The following SSH2 variants were observed in gnomAD, a reference collection of about 807,000 sequenced individuals.
SSH2 encodes the protein protein phosphatase Slingshot homolog 2.
In SSH2, 37 loss-of-function variants were observed where a neutral mutation model predicts 135.2. The observed-to-expected ratio is 0.27, with a 90% CI of 0.21 to 0.36. The LOEUF (loss-of-function observed/expected upper bound fraction) is 0.36. SSH2 is among the 10% of genes least tolerant of loss of function. The pLI, the probability that SSH2 is intolerant of heterozygous loss-of-function variation, is 1.00. For synonymous variants in SSH2, 628 were observed against 646.2 expected, an observed-to-expected ratio of 0.97 and a Z score of 0.43; for missense variants, 1,408 against 1,765.3, an observed-to-expected ratio of 0.80 and a Z score of 3.63.
At chr17:29,758,288 G>A (rs780104647) in intron 3 of SSH2, among the ~76,000 whole-genome samples, 5 of 152,118 alleles carry the variant, frequency 3.3e-5, no homozygotes, top group Non-Finnish European at 7.4e-5. Context: ...AGCGGTTAAG[G>A]GCAGTGGCCT....
chr17:29,646,170 T>G (rs2036361571), intron 14 of SSH2, among the ~76,000 whole-genome samples: 4 of 152,228 alleles, frequency 2.6e-5, no homozygotes, highest in Admixed American at 2.6e-4. Flanking sequence ...TTAAATCACT[T>G]AATATCTGAT....
At chr17:29,847,706 T>C (rs1019917273) in intron 2 of SSH2, among the ~76,000 whole-genome samples, 1 of 152,158 alleles carries the variant, frequency 6.6e-6, no homozygotes, top group Admixed American at 6.5e-5. Flanking sequence ...CCAGATGGGA[T>C]AAAGCAAAGA....
intron 5 of SSH2, among the ~76,000 whole-genome samples, chr17:29,691,864 C>T (rs538436445): frequency 2.4e-4 from 37 of 151,466 alleles, no homozygotes; most frequent in African/African-American, 8.5e-4. Context: ...TTCAGCCGGG[C>T]GCGGTGGCTC....
chr17:29,847,044 A>C (rs2043143868), intron 2 of SSH2, among the ~76,000 whole-genome samples: 1 of 152,230 alleles, frequency 6.6e-6, no homozygotes, highest in Admixed American at 6.5e-5. Flanking sequence ...AGTAGGATTC[A>C]TTCTATACCA....
intron 8 of SSH2, among the ~76,000 whole-genome samples, chr17:29,674,758 C>T (rs73987119): frequency 0.017 from 2,635 of 152,032 alleles, 78 homozygotes; most frequent in African/African-American, 0.06. Context: ...CACAAAATAC[C>T]GTAATGATAG....
At chr17:29,701,208 T>C (rs1189511752) in intron 4 of SSH2, among the ~76,000 whole-genome samples, 1 of 152,068 alleles carries the variant, frequency 6.6e-6, no homozygotes, top group Non-Finnish European at 1.5e-5. Context: ...CCTGACCTTG[T>C]GATCCGCCCG....
At chr17:29,815,880 G>A (rs940323523) in intron 2 of SSH2, among the ~76,000 whole-genome samples, 1 of 151,646 alleles carries the variant, frequency 6.6e-6, no homozygotes, top group South Asian at 2.1e-4. Flanking sequence ...ATAGAGTCTC[G>A]CTCTGTTGCC....
At chr17:29,728,916 A>G (rs1377769293) in intron 3 of SSH2, among the ~76,000 whole-genome samples, 1 of 152,220 alleles carries the variant, frequency 6.6e-6, no homozygotes, top group Admixed American at 6.5e-5. Context: ...TAAATACTTA[A>G]ACCTAAGACC....
intron 5 of SSH2, 123 bp from the exon 6 acceptor site, chr17:29,684,807 G>A (rs933941460): frequency 2.6e-5 from 22 of 830,736 alleles, no homozygotes; most frequent in Non-Finnish European, 3.7e-5. Flanking sequence ...GTAGTTAGGA[G>A]ACATAAATTA....
intron 2 of SSH2, among the ~76,000 whole-genome samples, chr17:29,830,330 C>T (rs1301760208): frequency 6.6e-6 from 1 of 152,134 alleles, no homozygotes; most frequent in East Asian, 1.9e-4. Flanking sequence ...CCTAACTTTT[C>T]CCTGGTTGAC....
chr17:29,897,216 T>G (rs760589621), intron 1 of SSH2, among the ~76,000 whole-genome samples: 22 of 151,806 alleles, frequency 1.4e-4, no homozygotes, highest in Admixed American at 3.9e-4. Context: ...GGAAGAAACT[T>G]CATCAACTAA....
chr17:29,875,918 C>T (rs571034122), intron 1 of SSH2, among the ~76,000 whole-genome samples: 11 of 144,828 alleles, frequency 7.6e-5, no homozygotes, highest in South Asian at 2.1e-4. Flanking sequence ...TTTGTAACTA[C>T]GAATTTGTAC....
intron 11 of SSH2, among the ~76,000 whole-genome samples, chr17:29,664,176 A>G (rs1471378945): frequency 1.3e-5 from 2 of 152,160 alleles, no homozygotes; most frequent in Non-Finnish European, 2.9e-5. Context: ...GTTCAAGGCC[A>G]GTCTGGCCGA....
At chr17:29,633,458 A>G (rs2150964162) in intron 15 of SSH2, among the ~76,000 whole-genome samples, 1 of 152,316 alleles carries the variant, frequency 6.6e-6, no homozygotes, top group Admixed American at 6.5e-5. Context: ...TTGGAGACTC[A>G]CTGCTCTCTT....
intron 3 of SSH2, among the ~76,000 whole-genome samples, chr17:29,774,063 G>T (rs1359400160): frequency 6.6e-6 from 1 of 152,112 alleles, no homozygotes; most frequent in Non-Finnish European, 1.5e-5. Context: ...ATACATACAG[G>T]TTTCAAGGTA....
At position 29,636,931 on chromosome 17, in the gene SSH2, A is replaced by C. The variant is rs113804931; in HGVS notation, c.1428-129T>G. On this transcript the variant is annotated intron_variant, in intron 14 of 15. Coordinates refer to ENST00000540801, the MANE Select transcript of SSH2 (RefSeq NM_001282129.2). ...TTGTTATTGCTCAATGGAACTAGGC[A>C]ATAAACGTTTGAAAAGACAATTTAA... The C allele has an allele frequency of 5.3e-3, 3,572 of 673,958 alleles. 83 individuals carry two copies. The highest frequency in any genetic ancestry group is 0.05 in the African/African-American group (2,788 of 55,812). 41.7% of individuals were successfully genotyped at this position (673,958 alleles called of 1,614,324 possible). A position where few individuals can be genotyped will look rare whatever the true frequency, so the allele number is the denominator to read the frequency against.
At chr17:29,855,475 C>T (rs750568184) in intron 1 of SSH2, among the ~76,000 whole-genome samples, 1 of 152,002 alleles carries the variant, frequency 6.6e-6, no homozygotes, top group African/African-American at 2.4e-5. Context: ...ACTGCACTCC[C>T]GCCTGCACAA....
At position 29,663,634 on chromosome 17, in the gene SSH2, A is replaced by C. The variant is rs186873508; in HGVS notation, c.1032+3233T>G. On this transcript the variant is annotated intron_variant, in intron 11 of 15. Transcript: ENST00000540801. ...TTCTAGAATACAGAATTATACCTGA[A>C]GCTGAAGAGATTTTCCTTTGTTCAA... Among the ~76,000 whole-genome samples the C allele has an allele frequency of 9.2e-5, 14 of 152,346 alleles. No homozygotes were observed. The East Asian group carries it at 2.7e-3, about 29-fold the overall frequency.
chr17:29,750,700 C>T (rs2151229195), intron 3 of SSH2, among the ~76,000 whole-genome samples: 1 of 150,996 alleles, frequency 6.6e-6, no homozygotes, highest in East Asian at 2.0e-4. Flanking sequence ...ACCTTTATTC[C>T]ATAAGCTTTT....
Sources: allele counts gnomAD v4.1 joint callset (sites outside exome capture counted in the v4.1 genomes callset), GRCh38; gene constraint gnomAD v4.1.1; transcripts MANE v1.5; gene names NCBI Gene and HGNC (gene_info 2026-07-23, HGNC 2026-07-21).